KCNIP4: variants seen among roughly 807,000 people sequenced by gnomAD.
KCNIP4 encodes the protein potassium voltage-gated channel interacting protein 4.
A neutral mutation model predicts 34.0 loss-of-function variants in KCNIP4; 12 were observed. The ratio of observed to expected loss-of-function variants is 0.35; its 90% confidence interval spans 0.23 to 0.57. The LOEUF (loss-of-function observed/expected upper bound fraction) is 0.57, where lower values mean the gene tolerates loss of function less well. Among genes scored for constraint, KCNIP4 ranks in the 20% least tolerant of loss-of-function variants. The pLI is 0.83. For missense variants in KCNIP4, 238 were observed against 311.7 expected, an observed-to-expected ratio of 0.76 and a Z score of 1.78; for synonymous variants, 124 against 102.2, an observed-to-expected ratio of 1.21 and a Z score of -1.29.
chr4:20,906,182 T>G (rs887178226), intron 1 of KCNIP4, among the ~76,000 whole-genome samples: 6 of 151,968 alleles, frequency 3.9e-5, no homozygotes, highest in African/African-American at 1.4e-4. Context: ...TTTTAATAAA[T>G]GTCTGCTGAC....
At chr4:21,917,882 C>G (rs1448983447) in intron 1 of KCNIP4, among the ~76,000 whole-genome samples, 1 of 152,168 alleles carries the variant, frequency 6.6e-6, no homozygotes, top group Non-Finnish European at 1.5e-5. Context: ...CAACTGAAAT[C>G]TCTCATTCAG....
At chr4:21,493,092 G>T (rs910298765) in intron 1 of KCNIP4, among the ~76,000 whole-genome samples, 1 of 151,990 alleles carries the variant, frequency 6.6e-6, no homozygotes, top group Non-Finnish European at 1.5e-5. Context: ...TTCCCTTTAG[G>T]TCAGGAATCC....
At chr4:21,783,834 T>A (rs1035000071) in intron 1 of KCNIP4, among the ~76,000 whole-genome samples, 3 of 152,248 alleles carry the variant, frequency 2.0e-5, no homozygotes, top group African/African-American at 4.8e-5. Context: ...CCTCAACAGA[T>A]CACATCAGTT....
chr4:21,822,606 G>A (rs988905751), intron 1 of KCNIP4, among the ~76,000 whole-genome samples: 5 of 151,910 alleles, frequency 3.3e-5, no homozygotes, highest in Admixed American at 6.6e-5. Context: ...ATTATAAAGC[G>A]GTAGAGATTA....
chr4:20,862,212 A>G (rs1294193983), intron 2 of KCNIP4, among the ~76,000 whole-genome samples: 2 of 151,992 alleles, frequency 1.3e-5, no homozygotes, highest in East Asian at 3.9e-4. Flanking sequence ...GCTGGTCTCA[A>G]ACTCCTGACC....
At chr4:21,002,428 G>T (rs559950442) in intron 1 of KCNIP4, among the ~76,000 whole-genome samples, 1 of 152,300 alleles carries the variant, frequency 6.6e-6, no homozygotes, top group Non-Finnish European at 1.5e-5. Flanking sequence ...CAGAATACTC[G>T]TACTCCATTC....
intron 1 of KCNIP4, among the ~76,000 whole-genome samples, chr4:20,987,824 C>G (rs1413637452): frequency 1.3e-5 from 2 of 150,986 alleles, no homozygotes; most frequent in Non-Finnish European, 3.0e-5. Context: ...ACGGTGAAAC[C>G]CCGTCTCTAC....
intron 1 of KCNIP4, among the ~76,000 whole-genome samples, chr4:21,455,837 A>AAC: frequency 4.8e-5 from 6 of 125,212 alleles, no homozygotes; most frequent in African/African-American, 2.1e-4. Context: ...ATATATATAT[A>AAC]TATATATATA....
intron 1 of KCNIP4, among the ~76,000 whole-genome samples, chr4:20,963,355 A>G (rs1046063931): frequency 1.3e-4 from 20 of 151,836 alleles, no homozygotes; most frequent in African/African-American, 4.4e-4. Flanking sequence ...CAACAAAAAA[A>G]GAAAGTATAA....
intron 1 of KCNIP4, among the ~76,000 whole-genome samples, chr4:21,746,226 T>C (rs773874760): frequency 6.6e-6 from 1 of 152,136 alleles, no homozygotes; most frequent in Non-Finnish European, 1.5e-5. Context: ...AAATATAGTA[T>C]CATGCTGAGG....
intron 1 of KCNIP4, among the ~76,000 whole-genome samples, chr4:21,461,190 T>C (rs1417342840): frequency 1.3e-5 from 2 of 151,900 alleles, no homozygotes; most frequent in African/African-American, 4.8e-5. Flanking sequence ...TCTGGCTGTT[T>C]AAAAGTGTTC....
intron 2 of KCNIP4, among the ~76,000 whole-genome samples, chr4:20,855,803 C>T (rs1193173988): frequency 4.6e-5 from 7 of 152,014 alleles, no homozygotes; most frequent in Non-Finnish European, 1.0e-4. Context: ...AATGGAAAAG[C>T]TTCAGAATAG....
intron 1 of KCNIP4, among the ~76,000 whole-genome samples, chr4:21,585,334 A>G (rs1225756012): frequency 6.6e-6 from 1 of 152,036 alleles, no homozygotes; most frequent in Non-Finnish European, 1.5e-5. Flanking sequence ...CCTACTTACT[A>G]TGCTTCACTG....
At chr4:21,565,793 G>A (rs193087285) in intron 1 of KCNIP4, among the ~76,000 whole-genome samples, 3 of 152,116 alleles carry the variant, frequency 2.0e-5, no homozygotes, top group African/African-American at 7.2e-5. Context: ...GAAAAATGAG[G>A]AGTGCAGAGA....
chr4:21,271,304 G>T (rs1450506675), intron 1 of KCNIP4, among the ~76,000 whole-genome samples: 1 of 152,190 alleles, frequency 6.6e-6, no homozygotes, highest in Non-Finnish European at 1.5e-5. Context: ...GACTTTCCAT[G>T]TGGAATGGAG....
chr4:20,956,398 G>T (rs1733306236), intron 1 of KCNIP4, among the ~76,000 whole-genome samples: 1 of 152,062 alleles, frequency 6.6e-6, no homozygotes, highest in South Asian at 2.1e-4. Flanking sequence ...CCAGCTACTT[G>T]GGAGGCTGAG....
chr4:21,023,624 C>T (rs907864502), intron 1 of KCNIP4, among the ~76,000 whole-genome samples: 2 of 152,062 alleles, frequency 1.3e-5, no homozygotes, highest in Non-Finnish European at 2.9e-5. Context: ...ACAATGAGGG[C>T]CAAGCACAGT....
In KCNIP4 at chr4:21,948,558, T is replaced by G; in HGVS notation, c.61+13A>C. 2 of 1,611,670 alleles carry G rather than the reference T, an allele frequency of 1.2e-6. No homozygotes were observed. Among genetic ancestry groups the G allele is most frequent in the East Asian group, 2.2e-5 (1 of 44,704 alleles). On this transcript the variant is annotated intron_variant, in intron 1 of 8. Transcript: ENST00000382152. ...GGAAGCGGGCGCCCGCTCGCAAGCT[T>G]ATTGCATCCTACCGCCTGTAGAGCT... is the stretch of plus-strand genomic sequence containing the variant.
At chr4:21,081,478 C>T (rs1013173925) in intron 1 of KCNIP4, among the ~76,000 whole-genome samples, 5 of 151,572 alleles carry the variant, frequency 3.3e-5, no homozygotes, top group African/African-American at 4.9e-5. Flanking sequence ...TCATTAACTT[C>T]GGTAGTATGT....
Sources: allele counts gnomAD v4.1 joint callset (sites outside exome capture counted in the v4.1 genomes callset), GRCh38; gene constraint gnomAD v4.1.1; transcripts MANE v1.5; gene names NCBI Gene and HGNC (gene_info 2026-07-23, HGNC 2026-07-21).